Variants in PRIM2 observed in about 807,000 individuals in gnomAD.
The protein encoded by PRIM2 is DNA primase large subunit.
A neutral mutation model predicts 67.3 loss-of-function variants in PRIM2; 39 were observed. The ratio of observed to expected loss-of-function variants is 0.58; its 90% CI spans 0.45 to 0.76. The LOEUF is 0.76. Ranked by LOEUF, PRIM2 falls within the 30% of genes least tolerant of loss-of-function variation. PRIM2 has a pLI of 0.00. For missense variants in PRIM2, 398 were observed against 598.7 expected (o/e 0.66, Z 3.50); for synonymous variants, 143 against 198.7 (o/e 0.72, Z 2.36).
rs1414659780 is a variant in PRIM2, at chr6:57,605,883, C to T, written c.1148-492C>T. On this transcript the variant is annotated intron_variant, in intron 11 of 13. Transcript: ENST00000615550. ...TTCTTTTACATTTTCATAGATTCTA[C>T]GCTTTAGGAAATAGGCATATAATTT... Among the ~76,000 whole-genome samples, 15 of 152,142 alleles carry T rather than the reference C, an allele frequency of 9.9e-5. No homozygotes were observed. The Middle Eastern group carries it at 0.01, about 103-fold the overall frequency.
At chr6:57,645,405 A>ATTTTTTTTTTTTTTTTTTTTTTTTTTTTT (rs1458949369) in intron 13 of PRIM2, among the ~76,000 whole-genome samples, 4 of 148,662 alleles carry the variant, frequency 2.7e-5, no homozygotes, top group African/African-American at 1.0e-4. Context: ...TAGTTTTCTA[A>ATTTTTTTTTTTTTTTTTTTTTTTTTTTTT]TTTTTTGTTT....
chr6:57,264,593 G>A, the PRIM2 span, among the ~76,000 whole-genome samples: 3 of 137,628 alleles, frequency 2.2e-5, no homozygotes, highest in Admixed American at 1.4e-4. Context: ...AAAGTCAAAC[G>A]CTTTTTTTTT....
intron 7 of PRIM2, among the ~76,000 whole-genome samples, chr6:57,490,581 T>C (rs1321817804): frequency 6.6e-6 from 1 of 152,030 alleles, no homozygotes; most frequent in African/African-American, 2.4e-5. Flanking sequence ...TAAAGGACAA[T>C]AGTAGCAGTG....
At chr6:57,640,034 A>G (rs1777201552) in intron 13 of PRIM2, among the ~76,000 whole-genome samples, 1 of 152,178 alleles carries the variant, frequency 6.6e-6, no homozygotes, top group South Asian at 2.1e-4. Context: ...AAGCTTATCT[A>G]CCATGATCAA....
At chr6:57,310,779 C>T (rs1767366494), upstream of PRIM2, among the ~76,000 whole-genome samples, 2 of 148,352 alleles carry the variant, frequency 1.3e-5, no homozygotes, top group Admixed American at 1.3e-4. Flanking sequence ...ACCTCCCAGA[C>T]AAAGAGCGGC....
intron 5 of PRIM2, among the ~76,000 whole-genome samples, chr6:57,361,765 T>C (rs1190359739): frequency 1.3e-5 from 2 of 152,128 alleles, no homozygotes; most frequent in African/African-American, 4.8e-5. Context: ...TCCAGCATTG[T>C]GTTGTATGTT....
intron 10 of PRIM2, among the ~76,000 whole-genome samples, chr6:57,581,072 T>A (rs1269404362): frequency 6.6e-6 from 1 of 152,168 alleles, no homozygotes; most frequent in Non-Finnish European, 1.5e-5. Context: ...AAAACATTTT[T>A]AAAAATCATA....
intron 10 of PRIM2, among the ~76,000 whole-genome samples, chr6:57,561,384 G>A (rs1422847711): frequency 2.0e-5 from 3 of 151,970 alleles, no homozygotes; most frequent in Non-Finnish European, 2.9e-5. Flanking sequence ...GGCGCACGCC[G>A]CCACACCCGG....
chr6:57,291,178 A>G, the PRIM2 span, among the ~76,000 whole-genome samples: 1 of 152,200 alleles, frequency 6.6e-6, no homozygotes, highest in Non-Finnish European at 1.5e-5. Context: ...ATCACCACCA[A>G]TCCCACAGAA....
At chr6:57,310,600 G>A (rs972872791), upstream of PRIM2, among the ~76,000 whole-genome samples, 5 of 151,828 alleles carry the variant, frequency 3.3e-5, no homozygotes, top group Admixed American at 6.6e-5. Context: ...CAGATGGGGC[G>A]GCCGGGCAGA....
At position 57,581,040 on chromosome 6, in the gene PRIM2, A is replaced by G. The variant is rs1216766045; in HGVS notation, c.1021-20053A>G. Reference sequence around the variant, plus strand: ...GTGAAACTAATCTAGTAAAAGTGAAATAAATTTGCATTTAATTCCTCAAAA... The same window carrying G: ...GTGAAACTAATCTAGTAAAAGTGAAGTAAATTTGCATTTAATTCCTCAAAA... On this transcript the variant is annotated intron_variant, in intron 10 of 13. Coordinates refer to ENST00000615550, the MANE Select transcript of PRIM2 (RefSeq NM_000947.5). 3.3e-5 allele frequency among the ~76,000 whole-genome samples: 5 copies of G among 152,316 alleles called. No homozygotes were observed. The South Asian group carries it at 1.0e-3, about 32-fold the overall frequency.
intron 10 of PRIM2, among the ~76,000 whole-genome samples, chr6:57,545,815 G>C (rs1775278296): frequency 6.6e-6 from 1 of 152,182 alleles, no homozygotes; most frequent in Non-Finnish European, 1.5e-5. Flanking sequence ...GACAGAGAAA[G>C]AAGGGAATTT....
At chr6:57,273,740 T>G in the PRIM2 span, among the ~76,000 whole-genome samples, 2 of 152,346 alleles carry the variant, frequency 1.3e-5, no homozygotes, top group African/African-American at 4.8e-5. Flanking sequence ...GCTCTGTTTT[T>G]TCCCCATCTT....
At chr6:57,453,807 G>C (rs1772648285) in intron 7 of PRIM2, among the ~76,000 whole-genome samples, 1 of 152,166 alleles carries the variant, frequency 6.6e-6, no homozygotes, top group Non-Finnish European at 1.5e-5. Context: ...GCCCTGGCCA[G>C]AACTTCCAAC....
chr6:57,479,454 A>G (rs1394863733), intron 7 of PRIM2, among the ~76,000 whole-genome samples: 4 of 152,282 alleles, frequency 2.6e-5, no homozygotes, highest in African/African-American at 9.6e-5. Flanking sequence ...TTTATGATTC[A>G]TCTTGTTTTT....
At chr6:57,536,239 G>A (rs1259009135) in intron 9 of PRIM2, among the ~76,000 whole-genome samples, 6 of 152,216 alleles carry the variant, frequency 3.9e-5, no homozygotes, top group African/African-American at 1.4e-4. Flanking sequence ...GCATATGTGA[G>A]GGAGTAAGAA....
At chr6:57,283,221 A>G in the PRIM2 span, among the ~76,000 whole-genome samples, 1 of 152,064 alleles carries the variant, frequency 6.6e-6, no homozygotes, top group Non-Finnish European at 1.5e-5. Flanking sequence ...ATTCAACCAT[A>G]TCTTTGCCCA....
intron 10 of PRIM2, among the ~76,000 whole-genome samples, chr6:57,570,335 C>T (rs1410633017): frequency 6.6e-6 from 1 of 152,184 alleles, no homozygotes; most frequent in Non-Finnish European, 1.5e-5. Context: ...TTGCCAGTAT[C>T]ATAGAGCAGG....
At chr6:57,249,438 G>A in the PRIM2 span, among the ~76,000 whole-genome samples, 1 of 152,086 alleles carries the variant, frequency 6.6e-6, no homozygotes, top group African/African-American at 2.4e-5. Flanking sequence ...TATCTAATGT[G>A]ACATAAAGAA....
Sources: gnomAD v4.1 joint callset for allele counts (sites outside exome capture counted in the v4.1 genomes callset) on GRCh38, gnomAD v4.1.1 for gene constraint, MANE v1.5 for transcripts, NCBI Gene and HGNC (gene_info 2026-07-23, HGNC 2026-07-21) for gene names.